Variants in COL4A5 observed in about 807,000 individuals in gnomAD.
COL4A5 encodes the protein collagen type IV alpha 5 chain.
In COL4A5, 26 loss-of-function variants were observed where a neutral mutation model predicts 130.2. That is an observed-to-expected ratio of 0.20 (90% CI 0.15 to 0.28). The LOEUF is 0.28. Ranked by LOEUF, COL4A5 falls within the 10% of genes least tolerant of loss-of-function variation. The probability of loss-of-function intolerance (pLI) is 1.00; values close to 1 mark genes in which losing one functional copy is unlikely to be tolerated. For synonymous variants in COL4A5, 496 were observed against 439.6 expected, an observed-to-expected ratio of 1.13 and a Z score of -1.60; for missense variants, 1,131 against 1,344.3, an observed-to-expected ratio of 0.84 and a Z score of 2.48.
chrX:108,656,097 T>G, intron 37 of COL4A5, among the ~76,000 whole-genome samples: 1 of 112,094 alleles, frequency 8.9e-6, no homozygotes. Flanking sequence ...TACATATATG[T>G]CTTTGAATTG....
At chrX:108,683,097 T>C (rs1201052512) in intron 47 of COL4A5, among the ~76,000 whole-genome samples, 13 of 112,072 alleles carry the variant, frequency 1.2e-4, no homozygotes, top group African/African-American at 4.2e-4. Flanking sequence ...GGGTCCAGTT[T>C]CAGTTTTCCA....
chrX:108,513,295 C>A (rs2065195084), intron 1 of COL4A5, among the ~76,000 whole-genome samples: 1 of 109,644 alleles, frequency 9.1e-6, no homozygotes, highest in African/African-American at 3.3e-5. Context: ...AAGACTCTGT[C>A]TCAAAAAAAA....
chrX:108,643,389 G>A (rs1178950069), intron 36 of COL4A5, among the ~76,000 whole-genome samples: 3 of 111,569 alleles, frequency 2.7e-5, no homozygotes, highest in East Asian at 2.8e-4. Context: ...ATCACAAATC[G>A]ATCATTGCCT....
chrX:108,591,827 G>A (rs765560878), intron 21 of COL4A5, among the ~76,000 whole-genome samples, 183 bp downstream of exon 21: 2 of 110,305 alleles, frequency 1.8e-5, no homozygotes, highest in South Asian at 4.0e-4. Flanking sequence ...TTTTTGGATC[G>A]CTCTCTTCTT....
intron 2 of COL4A5, 59 bp from the exon 3 acceptor site, chrX:108,559,005 C>A: frequency 1.1e-6 from 1 of 925,108 alleles, no homozygotes; most frequent in Non-Finnish European, 1.6e-6. Flanking sequence ...TGAATCTCAA[C>A]CATGCCTGTG....
intron 36 of COL4A5, among the ~76,000 whole-genome samples, chrX:108,631,833 T>TC (rs766943839): frequency 9.0e-6 from 1 of 111,441 alleles, no homozygotes; most frequent in Non-Finnish European, 1.9e-5. Context: ...TAAAGCAGTG[T>TC]GTAGAGGGAA....
At chrX:108,503,681 C>T (rs898629959) in intron 1 of COL4A5, among the ~76,000 whole-genome samples, 4 of 111,368 alleles carry the variant, frequency 3.6e-5, no homozygotes, top group Non-Finnish European at 5.7e-5. Context: ...AAGTAAAACA[C>T]CTAGGAATAT....
In COL4A5 at chrX:108,697,118, A is replaced by G. The variant is rs902152302; in HGVS notation, c.*740A>G. Reference sequence around the variant, plus strand: ...TCAGAATTTTAAATGTTCATGTTACATACCAAATTATAATATCTAATGGAG... The same window carrying G: ...TCAGAATTTTAAATGTTCATGTTACGTACCAAATTATAATATCTAATGGAG... On this transcript the variant is annotated 3_prime_UTR_variant, in exon 53 of 53. Transcript: ENST00000328300. 3.6e-5 allele frequency: 4 copies of G among 111,577 alleles called. No individual in the cohort carries two copies. The highest frequency in any genetic ancestry group is 7.5e-5 in the Non-Finnish European group (4 of 53,072). The allele number at this position is 111,577 out of a possible 1,213,427, so 9.2% of individuals were successfully genotyped here. A position where few individuals can be genotyped will look rare whatever the true frequency, so the allele number is the denominator to read the frequency against.
chrX:108,470,672 G>A (rs763396118), intron 1 of COL4A5, among the ~76,000 whole-genome samples: 1 of 111,470 alleles, frequency 9.0e-6, no homozygotes, highest in Non-Finnish European at 1.9e-5. Context: ...GTCAATTTTT[G>A]TTTTTGTTGC....
At chrX:108,688,570 G>A (rs183624690) in intron 49 of COL4A5, among the ~76,000 whole-genome samples, 1 of 111,025 alleles carries the variant, frequency 9.0e-6, no homozygotes, top group Admixed American at 9.6e-5. Flanking sequence ...GAAGTAGCTG[G>A]GAATTACAGG....
intron 1 of COL4A5, among the ~76,000 whole-genome samples, chrX:108,507,260 AAG>A (rs1242330165): frequency 9.4e-6 from 1 of 106,513 alleles, no homozygotes; most frequent in African/African-American, 3.5e-5. Context: ...AAAAAAAAAA[AAG>A]AAAAAAAAAA....
At chrX:108,682,230 A>G (rs778552182) in intron 47 of COL4A5, among the ~76,000 whole-genome samples, 5 of 111,491 alleles carry the variant, frequency 4.5e-5, no homozygotes, top group Admixed American at 2.9e-4. Flanking sequence ...GAACTCATCA[A>G]TTTTCATGGC....
chrX:108,531,058 G>A (rs1418811353), intron 1 of COL4A5, among the ~76,000 whole-genome samples: 1 of 105,922 alleles, frequency 9.4e-6, no homozygotes, highest in African/African-American at 3.4e-5. Flanking sequence ...TGTCCTTTGT[G>A]GGGACATGGA....
intron 16 of COL4A5, among the ~76,000 whole-genome samples, chrX:108,581,249 T>A (rs1485566473): frequency 9.0e-6 from 1 of 111,701 alleles, no homozygotes; most frequent in Admixed American, 9.5e-5. Context: ...GTACATGAGA[T>A]GTTTTGATAC....
At chrX:108,471,723 A>G (rs2064772295) in intron 1 of COL4A5, among the ~76,000 whole-genome samples, 1 of 111,988 alleles carries the variant, frequency 8.9e-6, no homozygotes. Context: ...CTGGTTCTTA[A>G]GTAGAATACT....
At position 108,677,511 on chromosome X, in the gene COL4A5, C is replaced by A. The variant is rs1466449860; in HGVS notation, c.3820C>A (p.Pro1274Thr). The A allele has an allele frequency of 1.7e-6, 2 of 1,207,338 alleles. No homozygotes were observed. The highest frequency in any genetic ancestry group is 3.5e-5 in the African/African-American group (2 of 57,022). The change falls in exon 44 of 53, where the codon CCA becomes ACA. Residue 1274 changes from proline (P) to threonine (T), a missense_variant. Pro to Thr is a conservative substitution (Grantham distance 38). Transcript: ENST00000328300. The stretch of plus-strand genomic sequence containing the variant: ...TGTGGATTATTAAGGTCTACCAGGT[C>A]CAGAAGGTCCTCCAGGTCTCCCTGG... ...GPTGFQGLPG[P>T]EGPPGLPGNG...
chrX:108,546,641 T>G (rs1382862066), intron 2 of COL4A5, among the ~76,000 whole-genome samples: 1 of 111,247 alleles, frequency 9.0e-6, no homozygotes, highest in African/African-American at 3.3e-5. Flanking sequence ...ATTTCCTGAA[T>G]TTGAATGTTG....
chrX:108,465,236 A>G (rs769142526), intron 1 of COL4A5, among the ~76,000 whole-genome samples: 26 of 112,419 alleles, frequency 2.3e-4, no homozygotes, highest in Middle Eastern at 4.6e-3. Flanking sequence ...TGTTTGCAAA[A>G]TAATAGGAAT....
At chrX:108,537,152 A>AACTGGGGCTATCTCCAG (rs2065468295) in intron 1 of COL4A5, among the ~76,000 whole-genome samples, 7 of 111,109 alleles carry the variant, frequency 6.3e-5, no homozygotes, top group Non-Finnish European at 1.1e-4. Flanking sequence ...AAATTGTTCC[A>AACTGGGGCTATCTCCAG]TTAACCAGAT....
Sources: allele counts gnomAD v4.1 joint callset (sites outside exome capture counted in the v4.1 genomes callset), GRCh38; gene constraint gnomAD v4.1.1; transcripts MANE v1.5; gene names NCBI Gene and HGNC (gene_info 2026-07-23, HGNC 2026-07-21).